Variants in ARFIP2 observed in about 807,000 individuals in gnomAD.
ARFIP2 encodes ARF interacting protein 2, also known as arfaptin-2.
A neutral mutation model predicts 39.2 loss-of-function variants in ARFIP2; 14 were observed. That is an observed-to-expected ratio of 0.36 (90% CI 0.24 to 0.56). ARFIP2 has a LOEUF of 0.56. Among genes scored for constraint, ARFIP2 ranks in the 20% least tolerant of loss-of-function variants. The pLI, the probability that ARFIP2 is intolerant of heterozygous loss-of-function variation, is 0.85. For missense variants in ARFIP2, 305 were observed against 422.5 expected (o/e 0.72, Z 2.44); for synonymous variants, 167 against 172.4 (o/e 0.97, Z 0.24).
chr11:6,478,483 C>T lies in ARFIP2; in HGVS notation c.537+255G>A, dbSNP rs555607721. 1.4e-5 allele frequency: 18 copies of T among 1,244,070 alleles called. No homozygotes were observed. The highest frequency in any genetic ancestry group is 5.7e-4 in the Middle Eastern group (2 of 3,536). The allele number at this position is 1,244,070 out of a possible 1,614,324, so 77.1% of individuals were successfully genotyped here. A position where few individuals can be genotyped will look rare whatever the true frequency, so the allele number is the denominator to read the frequency against. Reference sequence around the variant, plus strand: ...GGAGGGGCTCTGATTAGGCTGAGCACGAAGGCATTCTCCCCAGTGCAGAGA... The same window carrying T: ...GGAGGGGCTCTGATTAGGCTGAGCATGAAGGCATTCTCCCCAGTGCAGAGA... On this transcript the variant is annotated intron_variant, in intron 5 of 7. Coordinates refer to ENST00000396777, the MANE Select transcript of ARFIP2 (RefSeq NM_001376558.2). This position sits in a 1 kb window ranked among gnomAD's most constrained non-coding sequence, Gnocchi z 4.8.
chr11:6,480,229 G>T, intron 2 of ARFIP2, 94 bp downstream of exon 2: 1 of 1,382,362 alleles, frequency 7.2e-7, no homozygotes, highest in Non-Finnish European at 1.0e-6. Context: ...AGTCAGATAA[G>T]TCAGGGGAAG....
chr11:6,481,257 G>C lies in ARFIP2; in HGVS notation c.-69C>G. On this transcript the variant is annotated 5_prime_UTR_variant, in exon 1 of 8. Transcript: ENST00000396777. ...TCGGGCCGGGCCGCTCTTCCCCTCA[G>C]GGCGCCAGGCCCGGGCCGCGCGGGG... 2 of 601,084 alleles carry C rather than the reference G, an allele frequency of 3.3e-6. No individual in the cohort carries two copies. Among genetic ancestry groups the C allele is most frequent in the South Asian group, 2.0e-5 (1 of 49,498 alleles). The allele number at this position is 601,084 out of a possible 1,614,324, so 37.2% of individuals were successfully genotyped here. A position where few individuals can be genotyped will look rare whatever the true frequency, so the allele number is the denominator to read the frequency against.
Position 6,477,789 on chromosome 11 carries a change from C to A in ARFIP2, c.799G>T (p.Ala267Ser). Reference sequence around the variant, plus strand: ...AGCTTCTCATACTTGTCCCGATGGGCCTGGAAAGTGGCCTGGGCACTCTCA... The same window carrying A: ...AGCTTCTCATACTTGTCCCGATGGGACTGGAAAGTGGCCTGGGCACTCTCA... ...RLESAQATFQ[A>S]HRDKYEKLRG... The change falls in exon 7 of 8, where the codon GCC becomes TCC. Residue 267 changes from alanine to serine, a missense_variant. Around this residue, in one of 3 missense-constraint regions of ARFIP2, gnomAD observed 112 missense variants for 118.2 expected, o/e 0.95. Transcript: ENST00000396777. This position sits in a 1 kb window ranked among gnomAD's most constrained non-coding sequence, Gnocchi z 4.8. The A allele has an allele frequency of 6.2e-7, 1 of 1,613,990 alleles. No individual in the cohort carries two copies. The highest frequency in any genetic ancestry group is 8.5e-7 in the Non-Finnish European group (1 of 1,179,974).
In ARFIP2 at chr11:6,477,016, G is replaced by A. The variant is rs1330873647; in HGVS notation, c.*97C>T. 9.4e-6 allele frequency: 13 copies of A among 1,390,158 alleles called. No homozygotes were observed. Among genetic ancestry groups the A allele is most frequent in the East Asian group, 2.5e-5 (1 of 39,662 alleles). 86.1% of individuals were successfully genotyped at this position (1,390,158 alleles called of 1,614,324 possible). A position where few individuals can be genotyped will look rare whatever the true frequency, so the allele number is the denominator to read the frequency against. Reference sequence around the variant, plus strand: ...GCCAGAAAAAGGAGCCCAAGCCAGAGGGCAAGTGACAAAGGATGTACCATG... The same window carrying A: ...GCCAGAAAAAGGAGCCCAAGCCAGAAGGCAAGTGACAAAGGATGTACCATG... On this transcript the variant is annotated 3_prime_UTR_variant, in exon 8 of 8. Transcript: ENST00000396777. The surrounding 1 kb of genome is among the most constrained non-coding windows in gnomAD (Gnocchi z 4.8).
chr11:6,478,199 C>T lies in ARFIP2; in HGVS notation c.538-1G>A. The T allele has an allele frequency of 6.2e-7, 1 of 1,614,026 alleles. No individual in the cohort carries two copies. The highest frequency in any genetic ancestry group is 1.7e-5 in the Admixed American group (1 of 60,010). On this transcript the variant is annotated splice_acceptor_variant, in intron 5 of 7. Transcript: ENST00000396777. LOFTEE classifies it high-confidence loss of function. This position sits in a 1 kb window ranked among gnomAD's most constrained non-coding sequence, Gnocchi z 4.8. ...TCTCTGCATTGTAGCCAAATTCCTC[C>T]TGAGGGCAGAAGGGAGGAACAGACC...
chr11:6,476,917 C>T lies in ARFIP2; in HGVS notation c.*196G>A, dbSNP rs1398034640. On this transcript the variant is annotated 3_prime_UTR_variant, in exon 8 of 8. Coordinates refer to ENST00000396777, the MANE Select transcript of ARFIP2 (RefSeq NM_001376558.2). ...GAAGCCCTGTGGCCAGGAAGATAGA[C>T]AGGGCAGCAACTTCTGGGCCTCCAG... The T allele has an allele frequency of 5.2e-6, 3 of 575,368 alleles. No homozygotes were observed. The highest frequency in any genetic ancestry group is 3.3e-5 in the Admixed American group (1 of 30,050). 35.6% of individuals were successfully genotyped at this position (575,368 alleles called of 1,614,324 possible). A position where few individuals can be genotyped will look rare whatever the true frequency, so the allele number is the denominator to read the frequency against.
In ARFIP2 at chr11:6,478,664, A is replaced by G; in HGVS notation, c.537+74T>C. The G allele has an allele frequency of 6.5e-7, 1 of 1,537,996 alleles. No homozygotes were observed. Among genetic ancestry groups the G allele is most frequent in the Non-Finnish European group, 8.8e-7 (1 of 1,139,122 alleles). On this transcript the variant is annotated intron_variant, in intron 5 of 7. Coordinates refer to ENST00000396777, the MANE Select transcript of ARFIP2 (RefSeq NM_001376558.2). This position sits in a 1 kb window ranked among gnomAD's most constrained non-coding sequence, Gnocchi z 4.8. ...GTTCTCCCTGTGGGCTGCAGGAGGG[A>G]GGGAGGATGAGGAATGACTGCCTGG...
At chr11:6,479,410 G>A (rs963247391) in intron 3 of ARFIP2, 152 bp from the exon 4 acceptor site, 17 of 1,534,078 alleles carry the variant, frequency 1.1e-5, no homozygotes, top group African/African-American at 4.1e-5. Context: ...GGAGGAACTC[G>A]GACTTTGCGC....
Position 6,478,803 on chromosome 11 carries a change from G to A in ARFIP2, c.472C>T (p.Leu158=). Reference sequence around the variant, plus strand: ...TCACCCAGTGCATGCTGGGTCTGCAGCAGGCTGTAGAGGTGGGCTGTCAGT... The same window carrying A: ...TCACCCAGTGCATGCTGGGTCTGCAACAGGCTGTAGAGGTGGGCTGTCAGT... ...RALTAHLYSL[L]QTQHALGDAF... The change falls in exon 5 of 8, where the codon CTG becomes TTG. Residue 158 remains leucine (L), a synonymous_variant. Transcript: ENST00000396777. This position sits in a 1 kb window ranked among gnomAD's most constrained non-coding sequence, Gnocchi z 4.8. The A allele has an allele frequency of 6.2e-7, 1 of 1,614,182 alleles. No homozygotes were observed. Among genetic ancestry groups the A allele is most frequent in the Non-Finnish European group, 8.5e-7 (1 of 1,180,008 alleles).
At chr11:6,480,620 C>T in intron 1 of ARFIP2, 157 bp from the exon 2 acceptor site, 1 of 514,676 alleles carries the variant, frequency 1.9e-6, no homozygotes, top group Non-Finnish European at 3.4e-6. Flanking sequence ...CCCTCCAAAA[C>T]GCACATTTGA....
chr11:6,479,100 A>G, intron 4 of ARFIP2, 40 bp downstream of exon 4: 8 of 1,603,844 alleles, frequency 5.0e-6, no homozygotes, highest in Non-Finnish European at 6.8e-6. Context: ...AAAGGTACCC[A>G]TAAGGAGTTT....
At position 6,478,001 on chromosome 11, in the gene ARFIP2, A is replaced by C. The variant is rs1357630127; in HGVS notation, c.695+40T>G. The C allele has an allele frequency of 6.2e-7, 1 of 1,607,994 alleles. No homozygotes were observed. The highest frequency in any genetic ancestry group is 8.5e-7 in the Non-Finnish European group (1 of 1,175,504). ...TAATGCCCAAATTTCCACCCATACC[A>C]GCCAACTCCCCAAACCCTAAGCCCT... is the stretch of plus-strand genomic sequence containing the variant. On this transcript the variant is annotated intron_variant, in intron 6 of 7. Coordinates refer to ENST00000396777, the MANE Select transcript of ARFIP2 (RefSeq NM_001376558.2). The surrounding 1 kb of genome is among the most constrained non-coding windows in gnomAD (Gnocchi z 4.8).
At position 6,480,442 on chromosome 11, in the gene ARFIP2, T is replaced by G. The variant is rs1468030035; in HGVS notation, c.-21A>C. On this transcript the variant is annotated 5_prime_UTR_variant, in exon 2 of 8. Coordinates refer to ENST00000396777, the MANE Select transcript of ARFIP2 (RefSeq NM_001376558.2). ...GTCATGGCTAGGAAAGGTATTGGAG[T>G]AAAACTCTCCACCCCAGCACCCTGC... is the stretch of plus-strand genomic sequence containing the variant. 6.3e-7 allele frequency: 1 copy of G among 1,587,520 alleles called. No homozygotes were observed. Among genetic ancestry groups the G allele is most frequent in the Non-Finnish European group, 8.6e-7 (1 of 1,164,732 alleles).
Position 6,477,694 on chromosome 11 carries a change from G to C in ARFIP2, c.870+24C>G. On this transcript the variant is annotated intron_variant, in intron 7 of 7. Coordinates refer to ENST00000396777, the MANE Select transcript of ARFIP2 (RefSeq NM_001376558.2). The surrounding 1 kb of genome is among the most constrained non-coding windows in gnomAD (Gnocchi z 4.8). ...GTGTTACAGATGGAAAGGTGGGCTA[G>C]GGTCAAGGGGGTGGGGTTGGCACCT... 6.2e-7 allele frequency: 1 copy of C among 1,609,628 alleles called. No individual in the cohort carries two copies. Among genetic ancestry groups the C allele is most frequent in the Non-Finnish European group, 8.5e-7 (1 of 1,177,120 alleles).
chr11:6,477,278 C>G lies in ARFIP2; in HGVS notation c.871-10G>C. On this transcript the variant is annotated splice_polypyrimidine_tract_variant and intron_variant, in intron 7 of 7. Transcript: ENST00000396777. The surrounding 1 kb of genome is among the most constrained non-coding windows in gnomAD (Gnocchi z 4.8). ...TGTGCATCACCTTGATCTGGGGGTC[C>G]AGCAGGGTCAGCTAAGGCTGGACTC... The G allele has an allele frequency of 6.2e-7, 1 of 1,610,780 alleles. No homozygotes were observed. Among genetic ancestry groups the G allele is most frequent in the East Asian group, 2.2e-5 (1 of 44,828 alleles).
chr11:6,479,069 A>G, intron 4 of ARFIP2, 71 bp downstream of exon 4: 2 of 1,583,952 alleles, frequency 1.3e-6, no homozygotes, highest in Non-Finnish European at 1.7e-6. Flanking sequence ...ATGGGATATT[A>G]CGATCACGAA....
rs1851546691 is a variant in ARFIP2, at chr11:6,479,968, A to G, written c.196+4T>C. On this transcript the variant is annotated splice_donor_region_variant and intron_variant, in intron 3 of 7. Transcript: ENST00000396777. ...CCAAGATTCCTGTTTCTGAACATTCATACCTGTGGGGATGAGTCCATCACC... is the reference window on the plus strand; with the variant it reads ...CCAAGATTCCTGTTTCTGAACATTCGTACCTGTGGGGATGAGTCCATCACC... 6.2e-7 allele frequency: 1 copy of G among 1,613,676 alleles called. No individual in the cohort carries two copies.
chr11:6,478,987 G>A lies in ARFIP2; in HGVS notation c.316-28C>T, dbSNP rs1424144323. On this transcript the variant is annotated intron_variant, in intron 4 of 7. Transcript: ENST00000396777. This position sits in a 1 kb window ranked among gnomAD's most constrained non-coding sequence, Gnocchi z 4.8. ...GATTGGGAAATGGGGGAATAAATCAGAGACCCTAACAGCCTCCCCACACAA... is the reference window on the plus strand; with the variant it reads ...GATTGGGAAATGGGGGAATAAATCAAAGACCCTAACAGCCTCCCCACACAA... The A allele has an allele frequency of 6.2e-7, 1 of 1,610,772 alleles. No homozygotes were observed. Among genetic ancestry groups the A allele is most frequent in the Admixed American group, 1.7e-5 (1 of 59,930 alleles).
At position 6,481,324 on chromosome 11, in the gene ARFIP2, A is replaced by G; in HGVS notation, c.-136T>C. 1.2e-6 allele frequency: 1 copy of G among 831,192 alleles called. No individual in the cohort carries two copies. The highest frequency in any genetic ancestry group is 1.9e-6 in the Non-Finnish European group (1 of 526,108). 51.5% of individuals were successfully genotyped at this position (831,192 alleles called of 1,614,324 possible). A position where few individuals can be genotyped will look rare whatever the true frequency, so the allele number is the denominator to read the frequency against. On this transcript the variant is annotated 5_prime_UTR_variant, in exon 1 of 8. Transcript: ENST00000396777. Reference sequence around the variant, plus strand: ...CCCGTCGCGATCCTAGCAGCAGGTCAGGGACTCGGCGGAAATGACGTCCTC... The same window carrying G: ...CCCGTCGCGATCCTAGCAGCAGGTCGGGGACTCGGCGGAAATGACGTCCTC...
Sources: gnomAD v4.1 joint callset for allele counts on GRCh38, gnomAD v4.1.1 for gene constraint, gnomAD v4.1.1 regional missense constraint, Gnocchi (gnomAD v3.1) non-coding constraint, MANE v1.5 for transcripts, NCBI Gene and HGNC (gene_info 2026-07-23, HGNC 2026-07-21) for gene names.